Variants in NAALADL2 observed in about 807,000 individuals in gnomAD.
The protein encoded by NAALADL2 is N-acetylated alpha-linked acidic dipeptidase like 2.
A neutral mutation model predicts 87.2 loss-of-function variants in NAALADL2; 76 were observed. The observed-to-expected ratio is 0.87, with a 90% confidence interval of 0.72 to 1.05. The LOEUF is 1.05. Ranked by LOEUF, NAALADL2 falls within the 50% of genes least tolerant of loss-of-function variation. The pLI, the probability that NAALADL2 is intolerant of heterozygous loss-of-function variation, is 0.00. For missense variants in NAALADL2, 1,089 were observed against 945.8 expected (o/e 1.15, Z -1.99); for synonymous variants, 354 against 331.0 (o/e 1.07, Z -0.75).
chr3:175,065,989 G>T (rs1194057860), intron 1 of NAALADL2, among the ~76,000 whole-genome samples: 1 of 152,160 alleles, frequency 6.6e-6, no homozygotes, highest in Non-Finnish European at 1.5e-5. Flanking sequence ...ATGAGTGAAA[G>T]GATGTATAAC....
intron 1 of NAALADL2, among the ~76,000 whole-genome samples, chr3:175,041,034 G>A (rs1056931680): frequency 4.6e-5 from 7 of 151,840 alleles, no homozygotes; most frequent in East Asian, 1.9e-4. Flanking sequence ...CTTTTTATTC[G>A]TGCCATAACC....
chr3:174,772,265 G>A (rs1414335107), intron 3 of NAALADL2, among the ~76,000 whole-genome samples: 1 of 152,124 alleles, frequency 6.6e-6, no homozygotes, highest in Non-Finnish European at 1.5e-5. Flanking sequence ...AAAAATATGT[G>A]TGTAGGGTTT....
intron 1 of NAALADL2, among the ~76,000 whole-genome samples, chr3:174,456,963 C>CT (rs1022214800): frequency 8.7e-4 from 133 of 152,222 alleles, no homozygotes; most frequent in African/African-American, 3.1e-3. Context: ...AACTGTGCAT[C>CT]TGACACAGGA....
intron 2 of NAALADL2, among the ~76,000 whole-genome samples, chr3:175,206,893 A>G (rs1343663460): frequency 6.6e-6 from 1 of 152,092 alleles, no homozygotes; most frequent in Non-Finnish European, 1.5e-5. Context: ...AAAGCTACTC[A>G]GGTCTTTAAA....
chr3:175,775,092 C>CCT (rs1750037142), intron 13 of NAALADL2: 1 of 130,604 alleles, frequency 7.7e-6, no homozygotes, highest in South Asian at 2.4e-4. Flanking sequence ...GTAGTAAGGC[C>CCT]TTTTTTTTTT....
chr3:174,767,719 T>A (rs1288791072), intron 3 of NAALADL2, among the ~76,000 whole-genome samples: 2 of 152,234 alleles, frequency 1.3e-5, no homozygotes, highest in African/African-American at 2.4e-5. Context: ...ATTTTCTGGT[T>A]CTATTTTCTC....
At chr3:175,637,427 C>T (rs562450861) in intron 11 of NAALADL2, among the ~76,000 whole-genome samples, 88 of 152,280 alleles carry the variant, frequency 5.8e-4, no homozygotes, top group African/African-American at 2.1e-3. Context: ...CTACAAACCT[C>T]ATGTTGAAAT....
intron 2 of NAALADL2, among the ~76,000 whole-genome samples, chr3:175,132,520 G>A (rs1212013743): frequency 6.7e-4 from 1 of 1,492 alleles, no homozygotes; most frequent in Non-Finnish European, 1.3e-3. Flanking sequence ...GGGCAGAGGC[G>A]CCCCTCACTC....
At chr3:174,628,372 G>A (rs1721786257) in intron 2 of NAALADL2, among the ~76,000 whole-genome samples, 1 of 151,268 alleles carries the variant, frequency 6.6e-6, no homozygotes, top group South Asian at 2.1e-4. Context: ...AGCTACTTGG[G>A]AGGCTGAGGT....
intron 1 of NAALADL2, among the ~76,000 whole-genome samples, chr3:174,442,376 A>G (rs1714724053): frequency 1.9e-5 from 1 of 53,246 alleles, no homozygotes. Context: ...TTCACCTTTA[A>G]TTTTTTAGAG....
chr3:175,267,132 T>C (rs2109966046), intron 4 of NAALADL2, among the ~76,000 whole-genome samples: 1 of 152,128 alleles, frequency 6.6e-6, no homozygotes, highest in Non-Finnish European at 1.5e-5. Flanking sequence ...TTGTTGTAGC[T>C]ATTTCAAATC....
chr3:175,164,177 TAAAGA>T (rs1303084831), intron 2 of NAALADL2, among the ~76,000 whole-genome samples: 1 of 151,936 alleles, frequency 6.6e-6, no homozygotes, highest in African/African-American at 2.4e-5. Context: ...GCATGCACAT[TAAAGA>T]AAACTTAATA....
chr3:175,118,826 T>A (rs1223136865), intron 2 of NAALADL2, among the ~76,000 whole-genome samples: 2 of 151,796 alleles, frequency 1.3e-5, no homozygotes, highest in East Asian at 3.9e-4. Flanking sequence ...ATGATATTGA[T>A]TATTTCTGGG....
intron 3 of NAALADL2, among the ~76,000 whole-genome samples, chr3:174,797,298 C>CTTTTTTTTTTTTTTTTTTTTTTTTTT (rs765233495): frequency 3.1e-5 from 3 of 97,726 alleles, no homozygotes; most frequent in African/African-American, 1.4e-4. Context: ...TTTTGTTTTT[C>CTTTTTTTTTTTTTTTTTTTTTTTTTT]TTTTTTCTTT....
intron 13 of NAALADL2, among the ~76,000 whole-genome samples, chr3:175,764,472 A>C (rs1219204922): frequency 6.6e-6 from 1 of 152,050 alleles, no homozygotes. Context: ...AAAGGAAATT[A>C]TTTCAGAGAT....
chr3:175,628,602 AATCTC>A (rs1727319835), intron 11 of NAALADL2, among the ~76,000 whole-genome samples: 1 of 41,332 alleles, frequency 2.4e-5, no homozygotes, highest in African/African-American at 6.9e-5. Context: ...CCATTAAAAT[AATCTC>A]TCTCTCTATG....
chr3:175,003,700 A>T (rs566304843), intron 1 of NAALADL2, among the ~76,000 whole-genome samples: 1 of 152,358 alleles, frequency 6.6e-6, no homozygotes, highest in African/African-American at 2.4e-5. Flanking sequence ...AGAAGCAATT[A>T]GGCTGCAGTT....
intron 3 of NAALADL2, among the ~76,000 whole-genome samples, chr3:174,740,395 A>G (rs932827117): frequency 2.0e-5 from 3 of 151,936 alleles, no homozygotes; most frequent in African/African-American, 7.2e-5. Context: ...TCTGATATCC[A>G]TTTAACATAA....
chr3:174,949,575 G>C (rs1207175528), intron 1 of NAALADL2, among the ~76,000 whole-genome samples: 2 of 152,134 alleles, frequency 1.3e-5, no homozygotes, highest in African/African-American at 4.8e-5. Flanking sequence ...ATTGACTTTA[G>C]TTCCATCTGC....
Sources: gnomAD v4.1 joint callset for allele counts (sites outside exome capture counted in the v4.1 genomes callset) on GRCh38, gnomAD v4.1.1 for gene constraint, MANE v1.5 for transcripts, NCBI Gene and HGNC (gene_info 2026-07-23, HGNC 2026-07-21) for gene names.